PIP5K1B: variants seen among roughly 807,000 people sequenced by gnomAD.
PIP5K1B encodes phosphatidylinositol 4-phosphate 5-kinase type-1 beta.
A neutral mutation model predicts 67.0 loss-of-function variants in PIP5K1B; 42 were observed. The ratio of observed to expected loss-of-function variants is 0.63; its 90% CI spans 0.49 to 0.81. PIP5K1B has a LOEUF of 0.81. Among genes scored for constraint, PIP5K1B ranks in the 30% least tolerant of loss-of-function variants. PIP5K1B has a pLI of 0.00. For missense variants in PIP5K1B, 459 were observed against 646.3 expected, an observed-to-expected ratio of 0.71 and a Z score of 3.14; for synonymous variants, 214 against 231.4, an observed-to-expected ratio of 0.92 and a Z score of 0.68.
At chr9:68,746,076 CTTTTTTTT>C (rs11306038) in intron 2 of PIP5K1B, among the ~76,000 whole-genome samples, 11 of 107,104 alleles carry the variant, frequency 1.0e-4, no homozygotes, top group East Asian at 5.8e-4. Flanking sequence ...TGTGTTAACT[CTTTTTTTT>C]TTTTTTTTTT....
intron 1 of PIP5K1B, among the ~76,000 whole-genome samples, chr9:68,724,994 T>C (rs1828083467): frequency 2.0e-5 from 3 of 152,148 alleles, no homozygotes; most frequent in Admixed American, 2.0e-4. Context: ...AATGTTCTAT[T>C]TCTGACTTAA....
chr9:68,722,974 C>T, intron 1 of PIP5K1B, among the ~76,000 whole-genome samples: 1 of 152,314 alleles, frequency 6.6e-6, no homozygotes, highest in Middle Eastern at 3.4e-3. Context: ...CACAGCCTCT[C>T]ATAACTATCA....
chr9:68,789,093 A>G (rs1361919306), intron 2 of PIP5K1B: 9 of 543,056 alleles, frequency 1.7e-5, no homozygotes, highest in Non-Finnish European at 3.2e-5. Flanking sequence ...TTTATCAATA[A>G]TGGCATCAAT....
In PIP5K1B at chr9:68,760,392, C is replaced by T. The variant is rs554040742; in HGVS notation, c.-86+17735C>T. On this transcript the variant is annotated intron_variant, in intron 2 of 15. Transcript: ENST00000265382. ...AAACAGACAAACAAACAGGACTATT[C>T]CAATGAAATGCAATGGAGGTGGACA... is the stretch of plus-strand genomic sequence containing the variant. Among the ~76,000 whole-genome samples, 10 of 152,234 alleles carry T rather than the reference C, an allele frequency of 6.6e-5. No homozygotes were observed. In the East Asian group the frequency reaches 1.9e-3, roughly 29 times the overall value.
At chr9:68,864,047 C>A in intron 5 of PIP5K1B, 80 bp downstream of exon 5, 1 of 1,343,840 alleles carries the variant, frequency 7.4e-7, no homozygotes, top group Non-Finnish European at 1.1e-6. Flanking sequence ...GGCTTTTCTA[C>A]TATGTACATG....
At chr9:68,937,715 C>G (rs1465743550) in intron 13 of PIP5K1B, among the ~76,000 whole-genome samples, 1 of 152,214 alleles carries the variant, frequency 6.6e-6, no homozygotes, top group Non-Finnish European at 1.5e-5. Context: ...AATTTCAGGT[C>G]TTTCCTGCTT....
intron 4 of PIP5K1B, among the ~76,000 whole-genome samples, chr9:68,862,577 A>G (rs1823146098): frequency 6.6e-6 from 1 of 152,116 alleles, no homozygotes; most frequent in South Asian, 2.1e-4. Context: ...AGATCACATG[A>G]GGCCAAGAGT....
At chr9:68,914,607 C>T (rs1329339356) in intron 8 of PIP5K1B, among the ~76,000 whole-genome samples, 16 of 151,780 alleles carry the variant, frequency 1.1e-4, no homozygotes, top group Non-Finnish European at 1.8e-4. Flanking sequence ...CCCAGCTACT[C>T]GGGAGGCTGA....
intron 1 of PIP5K1B, among the ~76,000 whole-genome samples, chr9:68,732,020 A>G (rs1177460852): frequency 6.6e-6 from 1 of 152,176 alleles, no homozygotes; most frequent in Admixed American, 6.5e-5. Flanking sequence ...TCTGTCTTCG[A>G]GGGATTCCTG....
chr9:68,794,167 A>G (rs1340001245), intron 2 of PIP5K1B, among the ~76,000 whole-genome samples: 1 of 152,190 alleles, frequency 6.6e-6, no homozygotes, highest in Non-Finnish European at 1.5e-5. Flanking sequence ...GCCTGACTTG[A>G]GTGGAGTTAA....
intron 14 of PIP5K1B, among the ~76,000 whole-genome samples, chr9:68,974,751 A>G (rs921194446): frequency 6.6e-6 from 1 of 152,252 alleles, no homozygotes; most frequent in African/African-American, 2.4e-5. Context: ...ATTTTCCAAT[A>G]GCTCTGAACA....
chr9:68,904,527 C>A (rs1012455295), intron 8 of PIP5K1B, among the ~76,000 whole-genome samples: 1 of 152,218 alleles, frequency 6.6e-6, no homozygotes, highest in Non-Finnish European at 1.5e-5. Context: ...CATAATCAAG[C>A]CCATTGACAT....
chr9:68,819,563 A>G (rs923166244), intron 3 of PIP5K1B, among the ~76,000 whole-genome samples: 5 of 152,228 alleles, frequency 3.3e-5, no homozygotes, highest in African/African-American at 7.2e-5. Context: ...GTGAGCCACA[A>G]TGCCCAACGT....
chr9:68,941,459 C>CA (rs1827557864), intron 14 of PIP5K1B, among the ~76,000 whole-genome samples: 1 of 152,140 alleles, frequency 6.6e-6, no homozygotes, highest in African/African-American at 2.4e-5. Flanking sequence ...TTATTCATTG[C>CA]ATGCCTGTAA....
chr9:68,779,652 C>A (rs552809984), intron 2 of PIP5K1B, among the ~76,000 whole-genome samples: 95 of 152,298 alleles, frequency 6.2e-4, no homozygotes, highest in Middle Eastern at 3.4e-3. Context: ...TTCCCGCCTG[C>A]CAACTGGCTG....
chr9:68,834,285 C>T (rs1376900351), intron 4 of PIP5K1B, among the ~76,000 whole-genome samples: 1 of 152,174 alleles, frequency 6.6e-6, no homozygotes, highest in African/African-American at 2.4e-5. Context: ...TTTTCCATCC[C>T]CATTCCTTCC....
At chr9:68,746,061 TC>T (rs1287865703) in intron 2 of PIP5K1B, among the ~76,000 whole-genome samples, 4 of 150,000 alleles carry the variant, frequency 2.7e-5, no homozygotes, top group South Asian at 4.2e-4. Context: ...ATGTCTCTCT[TC>T]TTTTGTGTTA....
intron 14 of PIP5K1B, among the ~76,000 whole-genome samples, chr9:68,962,293 C>G (rs1828794742): frequency 6.6e-6 from 1 of 152,012 alleles, no homozygotes; most frequent in Non-Finnish European, 1.5e-5. Flanking sequence ...ACATTTATCC[C>G]CTAACTAAAG....
intron 2 of PIP5K1B, among the ~76,000 whole-genome samples, chr9:68,793,563 G>A (rs1400399058): frequency 6.6e-6 from 1 of 152,176 alleles, no homozygotes; most frequent in Non-Finnish European, 1.5e-5. Flanking sequence ...AAGCATAACT[G>A]AAAGGTTTGA....
Sources: allele counts gnomAD v4.1 joint callset (sites outside exome capture counted in the v4.1 genomes callset), GRCh38; gene constraint gnomAD v4.1.1; transcripts MANE v1.5; gene names NCBI Gene and HGNC (gene_info 2026-07-23, HGNC 2026-07-21).